The following IMMP2L variants were observed in gnomAD, a reference collection of about 807,000 sequenced individuals.
IMMP2L encodes mitochondrial inner membrane protease subunit 2.
In IMMP2L, 18 loss-of-function variants were observed where a neutral mutation model predicts 19.3. The ratio of observed to expected loss-of-function variants is 0.93; its 90% CI spans 0.64 to 1.38. IMMP2L has a LOEUF of 1.38. Ranked by LOEUF, IMMP2L falls within the 40% of genes most tolerant of loss-of-function variation. IMMP2L has a pLI of 0.00. For synonymous variants in IMMP2L, 76 were observed against 73.0 expected (o/e 1.04, Z -0.21); for missense variants, 233 against 218.2 (o/e 1.07, Z -0.43).
At chr7:111,355,429 A>G (rs911845542) in intron 3 of IMMP2L, among the ~76,000 whole-genome samples, 1 of 151,766 alleles carries the variant, frequency 6.6e-6, no homozygotes, top group South Asian at 2.1e-4. Context: ...AAACTTCTTC[A>G]ATGTAAATTG....
At chr7:111,422,702 C>G (rs998202834) in intron 3 of IMMP2L, among the ~76,000 whole-genome samples, 25 of 151,874 alleles carry the variant, frequency 1.6e-4, no homozygotes, top group Admixed American at 1.3e-4. Context: ...AACTGAATAC[C>G]CTTTATTTCT....
chr7:111,115,673 A>G (rs1032251083), intron 3 of IMMP2L, among the ~76,000 whole-genome samples: 4 of 151,652 alleles, frequency 2.6e-5, no homozygotes, highest in South Asian at 2.1e-4. Flanking sequence ...TTATATATTT[A>G]TATATATTTC....
At chr7:111,104,842 G>A (rs771062831) in intron 3 of IMMP2L, among the ~76,000 whole-genome samples, 2 of 151,750 alleles carry the variant, frequency 1.3e-5, no homozygotes, top group Non-Finnish European at 3.0e-5. Flanking sequence ...TATTTAGAAC[G>A]AGAGGGTCAT....
chr7:110,999,540 T>C (rs1238380494), intron 3 of IMMP2L, among the ~76,000 whole-genome samples: 4 of 151,698 alleles, frequency 2.6e-5, no homozygotes, highest in Non-Finnish European at 5.9e-5. Context: ...TCCTTTATCA[T>C]AGTTTTCCTA....
intron 3 of IMMP2L, among the ~76,000 whole-genome samples, chr7:111,133,309 A>T (rs1201689317): frequency 6.6e-6 from 1 of 152,020 alleles, no homozygotes; most frequent in East Asian, 1.9e-4. Context: ...GATTACACAT[A>T]TTTGGGGGGA....
intron 3 of IMMP2L, among the ~76,000 whole-genome samples, chr7:111,232,638 ACT>A (rs1813841179): frequency 6.6e-6 from 1 of 151,698 alleles, no homozygotes; most frequent in South Asian, 2.1e-4. Context: ...AATACTAAGA[ACT>A]CTTCACTCTT....
rs545404127 is a variant in IMMP2L at position 110,851,377 on chromosome 7, A to G, written c.408+35216T>C. Among the ~76,000 whole-genome samples the G allele has an allele frequency of 2.0e-5, 3 of 152,282 alleles. No individual in the cohort carries two copies. In the East Asian group the frequency reaches 5.8e-4, roughly 29 times the overall value. On this transcript the variant is annotated intron_variant, in intron 5 of 5. Coordinates refer to ENST00000405709, the MANE Select transcript of IMMP2L (RefSeq NM_032549.4). ...GTTGTACCATTCAAGCAGGTGCATG[A>G]TGCACAGAGGAATTAATGCCCCATA...
chr7:110,765,805 A>T (rs939919061), intron 5 of IMMP2L, among the ~76,000 whole-genome samples: 1 of 152,230 alleles, frequency 6.6e-6, no homozygotes. Flanking sequence ...TTACTATAAT[A>T]GCCATCTATT....
intron 3 of IMMP2L, among the ~76,000 whole-genome samples, chr7:111,446,021 C>G (rs1479108157): frequency 1.3e-5 from 2 of 152,130 alleles, no homozygotes; most frequent in Admixed American, 1.3e-4. Context: ...CGGCGCACCA[C>G]GAGACTGTAT....
At chr7:111,145,530 A>T (rs1395736571) in intron 3 of IMMP2L, among the ~76,000 whole-genome samples, 2 of 152,280 alleles carry the variant, frequency 1.3e-5, no homozygotes. Context: ...GTTCAGAATG[A>T]TAATGGATTT....
At chr7:110,878,019 T>C (rs1213367411) in intron 5 of IMMP2L, among the ~76,000 whole-genome samples, 1 of 152,096 alleles carries the variant, frequency 6.6e-6, no homozygotes, top group East Asian at 1.9e-4. Context: ...TAGAAGTGCC[T>C]AGAAGAAGGA....
intron 5 of IMMP2L, among the ~76,000 whole-genome samples, chr7:110,867,298 C>T (rs1309519116): frequency 6.6e-6 from 1 of 151,808 alleles, no homozygotes; most frequent in Non-Finnish European, 1.5e-5. Context: ...CTTATAAGGG[C>T]ACTAATCTCA....
intron 3 of IMMP2L, among the ~76,000 whole-genome samples, chr7:111,085,286 C>A (rs960215073): frequency 6.6e-6 from 1 of 152,216 alleles, no homozygotes; most frequent in Non-Finnish European, 1.5e-5. Context: ...ATTGCTGAGT[C>A]AAATGGTATT....
Position 111,213,654 on chromosome 7 carries a change from G to A in IMMP2L, c.240-250089C>T, listed in dbSNP as rs1454535013. Among the ~76,000 whole-genome samples, 2 of 152,108 alleles carry A rather than the reference G, an allele frequency of 1.3e-5. No homozygotes were observed. The highest frequency in any genetic ancestry group is 6.6e-5 in the Admixed American group (1 of 15,266). On this transcript the variant is annotated intron_variant, in intron 3 of 5. Coordinates refer to ENST00000405709, the MANE Select transcript of IMMP2L (RefSeq NM_032549.4). This position sits in a 1 kb window ranked among gnomAD's most constrained non-coding sequence, Gnocchi z 4.8. Reference sequence around the variant, plus strand: ...CTCACCCAGACTCAAGAAATCGATGGAACCACTAGCTGTAGGGAGGAGTTA... The same window carrying A: ...CTCACCCAGACTCAAGAAATCGATGAAACCACTAGCTGTAGGGAGGAGTTA...
At chr7:111,124,760 G>A (rs750596087) in intron 3 of IMMP2L, 3 of 1,613,708 alleles carry the variant, frequency 1.9e-6, no homozygotes, top group African/African-American at 2.7e-5. Context: ...AGCTATGTGA[G>A]GAATTACTTA....
At chr7:111,268,433 C>T (rs1449346339) in intron 3 of IMMP2L, among the ~76,000 whole-genome samples, 1 of 144,128 alleles carries the variant, frequency 6.9e-6, no homozygotes, top group Non-Finnish European at 1.5e-5. Flanking sequence ...GAAAACAATG[C>T]CAAAGAGGTA....
At chr7:110,737,190 GA>G in intron 5 of IMMP2L, among the ~76,000 whole-genome samples, 1 of 152,264 alleles carries the variant, frequency 6.6e-6, no homozygotes, top group Non-Finnish European at 1.5e-5. Context: ...CCCTTTGAAG[GA>G]ACTGGATCAC....
At chr7:111,068,998 T>A (rs568403151) in intron 3 of IMMP2L, among the ~76,000 whole-genome samples, 1 of 152,318 alleles carries the variant, frequency 6.6e-6, no homozygotes, top group African/African-American at 2.4e-5. Context: ...TCAGTCTCCT[T>A]AGCTATGCAC....
At chr7:111,171,769 A>T (rs1321791833) in intron 3 of IMMP2L, among the ~76,000 whole-genome samples, 3 of 151,678 alleles carry the variant, frequency 2.0e-5, no homozygotes, top group African/African-American at 7.2e-5. Context: ...TTAAATTATT[A>T]CTCTGCTGCT....
Sources: gnomAD v4.1 joint callset for allele counts (sites outside exome capture counted in the v4.1 genomes callset) on GRCh38, gnomAD v4.1.1 for gene constraint, Gnocchi (gnomAD v3.1) non-coding constraint, MANE v1.5 for transcripts, NCBI Gene and HGNC (gene_info 2026-07-23, HGNC 2026-07-21) for gene names.